MTHFD1L: variants seen among roughly 807,000 people sequenced by gnomAD.
MTHFD1L encodes monofunctional C1-tetrahydrofolate synthase, mitochondrial.
MTHFD1L carries 81 observed loss-of-function variants against 119.5 expected under a neutral mutation model. The ratio of observed to expected loss-of-function variants is 0.68; its 90% CI spans 0.57 to 0.82. MTHFD1L has a LOEUF of 0.82. MTHFD1L is among the 40% of genes least tolerant of loss of function. The pLI is 0.00. For synonymous variants in MTHFD1L, 430 were observed against 475.2 expected (o/e 0.90, Z 1.24); for missense variants, 1,125 against 1,253.4 (o/e 0.90, Z 1.55).
At chr6:151,042,768 A>C (rs1787324132) in intron 26 of MTHFD1L, among the ~76,000 whole-genome samples, 1 of 152,266 alleles carries the variant, frequency 6.6e-6, no homozygotes, top group Non-Finnish European at 1.5e-5. Context: ...TAGAAAGACA[A>C]CACCAAAACC....
intron 26 of MTHFD1L, among the ~76,000 whole-genome samples, chr6:151,074,768 T>G (rs1792330777): frequency 6.6e-6 from 1 of 152,238 alleles, no homozygotes; most frequent in Non-Finnish European, 1.5e-5. Flanking sequence ...TAACATGCTA[T>G]GCAGGCTTGT....
chr6:151,009,422 T>A (rs1369667838), intron 20 of MTHFD1L, among the ~76,000 whole-genome samples: 1 of 151,870 alleles, frequency 6.6e-6, no homozygotes, highest in Admixed American at 6.6e-5. Context: ...CACCTGTAGC[T>A]ACTCAGGAGG....
intron 21 of MTHFD1L, among the ~76,000 whole-genome samples, chr6:151,012,051 A>AC (rs1376561736): frequency 4.8e-5 from 7 of 146,198 alleles, no homozygotes; most frequent in Non-Finnish European, 9.0e-5. Context: ...AAAAAAAAAA[A>AC]CCAGCAGGGA....
chr6:151,054,768 G>A (rs1008725786), intron 26 of MTHFD1L: 1 of 152,130 alleles, frequency 6.6e-6, no homozygotes, highest in African/African-American at 2.4e-5. Flanking sequence ...GTAATGCCTA[G>A]GTAGTTTCGG....
chr6:150,886,435 CAAAAAA>C (rs996165446), intron 6 of MTHFD1L, among the ~76,000 whole-genome samples: 3 of 69,638 alleles, frequency 4.3e-5, no homozygotes, highest in East Asian at 9.0e-4. Context: ...GACCCTGCCT[CAAAAAA>C]AAAAAAAAAA....
Position 150,955,980 on chromosome 6 carries a change from T to C in MTHFD1L, c.1727-15T>C, listed in dbSNP as rs374949883. 1.1e-5 allele frequency: 18 copies of C among 1,606,430 alleles called. No individual in the cohort carries two copies. Among genetic ancestry groups the C allele is most frequent in the Non-Finnish European group, 1.5e-5 (18 of 1,172,948 alleles). ...CCATATTTGTCGACTGAATGACTAA[T>C]CTGTTCTCTTTCAGTATTGGATACA... On this transcript the variant is annotated splice_polypyrimidine_tract_variant and intron_variant, in intron 16 of 27. Transcript: ENST00000367321.
intron 20 of MTHFD1L, among the ~76,000 whole-genome samples, chr6:150,999,422 A>G (rs1215261240): frequency 6.6e-6 from 1 of 152,176 alleles, no homozygotes; most frequent in Non-Finnish European, 1.5e-5. Flanking sequence ...ATCATCCAAA[A>G]TCCCAGGCCT....
intron 18 of MTHFD1L, among the ~76,000 whole-genome samples, chr6:150,961,150 A>G (rs930241212): frequency 7.0e-6 from 1 of 143,538 alleles, no homozygotes; most frequent in Non-Finnish European, 1.5e-5. Flanking sequence ...CTGGAGTGCA[A>G]TGGCACGATC....
chr6:150,867,794 C>CTTTTTT (rs35396368), intron 1 of MTHFD1L, among the ~76,000 whole-genome samples: 23 of 115,916 alleles, frequency 2.0e-4, no homozygotes, highest in South Asian at 5.6e-4. Flanking sequence ...CATACATATT[C>CTTTTTT]TTTTTTTTTT....
At chr6:150,935,126 T>C in intron 11 of MTHFD1L, 1 of 1,613,784 alleles carries the variant, frequency 6.2e-7, no homozygotes, top group Non-Finnish European at 8.5e-7. Flanking sequence ...TACCAAAGGA[T>C]TTAACACTGA....
At chr6:150,906,498 C>A (rs192434573) in intron 8 of MTHFD1L, among the ~76,000 whole-genome samples, 1 of 152,314 alleles carries the variant, frequency 6.6e-6, no homozygotes, top group East Asian at 1.9e-4. Flanking sequence ...CACACCCAGG[C>A]CCTCAGCAAG....
At chr6:150,912,422 T>C (rs948340960) in intron 8 of MTHFD1L, among the ~76,000 whole-genome samples, 1 of 152,120 alleles carries the variant, frequency 6.6e-6, no homozygotes, top group African/African-American at 2.4e-5. Context: ...TATTTAAGTC[T>C]GTGGGCTTGG....
At chr6:151,053,967 G>A (rs1048444954) in intron 26 of MTHFD1L, among the ~76,000 whole-genome samples, 7 of 152,022 alleles carry the variant, frequency 4.6e-5, no homozygotes, top group African/African-American at 1.7e-4. Flanking sequence ...GAATCTGGAG[G>A]TTATTTTAAT....
chr6:150,875,835 A>G (rs80228235), intron 1 of MTHFD1L, among the ~76,000 whole-genome samples: 14,450 of 152,256 alleles, frequency 0.095, 792 homozygotes, highest in Middle Eastern at 0.17. Flanking sequence ...ATTCACCCCT[A>G]GAAAATTATT....
chr6:150,866,995 C>T (rs1250862777), intron 1 of MTHFD1L, among the ~76,000 whole-genome samples: 1 of 152,158 alleles, frequency 6.6e-6, no homozygotes, highest in Non-Finnish European at 1.5e-5. Flanking sequence ...CCTCCATTCA[C>T]ATCCTCTTCC....
At chr6:150,907,577 A>C (rs1264926291) in intron 8 of MTHFD1L, among the ~76,000 whole-genome samples, 1 of 152,212 alleles carries the variant, frequency 6.6e-6, no homozygotes, top group Non-Finnish European at 1.5e-5. Flanking sequence ...TCGTGATTGC[A>C]TGGCTGACCG....
intron 2 of MTHFD1L, among the ~76,000 whole-genome samples, chr6:150,876,671 C>G (rs1393415779): frequency 1.3e-5 from 2 of 152,218 alleles, no homozygotes; most frequent in Non-Finnish European, 2.9e-5. Context: ...GCTGCAGGCT[C>G]TGGTTCTGAG....
chr6:151,043,312 T>G (rs1451329685), intron 26 of MTHFD1L, among the ~76,000 whole-genome samples: 1 of 131,108 alleles, frequency 7.6e-6, no homozygotes, highest in Non-Finnish European at 1.6e-5. Flanking sequence ...TCGCCCAGGC[T>G]GGAGTGCAGT....
intron 11 of MTHFD1L, among the ~76,000 whole-genome samples, chr6:150,936,124 G>A (rs1049790699): frequency 5.3e-5 from 8 of 152,096 alleles, no homozygotes; most frequent in African/African-American, 1.9e-4. Flanking sequence ...ATATGGAAAG[G>A]GATCAGGCTT....
Sources: allele counts gnomAD v4.1 joint callset (sites outside exome capture counted in the v4.1 genomes callset), GRCh38; gene constraint gnomAD v4.1.1; transcripts MANE v1.5; gene names NCBI Gene and HGNC (gene_info 2026-07-23, HGNC 2026-07-21).